The following NRXN1 variants were observed in gnomAD, a reference collection of about 807,000 sequenced individuals.
The protein encoded by NRXN1 is neurexin 1, also known as neurexin-1.
Under a neutral mutation model 150.9 loss-of-function variants are expected in NRXN1, and 39 were observed. The observed-to-expected ratio is 0.26, with a 90% CI of 0.20 to 0.34. The LOEUF (loss-of-function observed/expected upper bound fraction) is 0.34, where lower values mean the gene tolerates loss of function less well. Ranked by LOEUF, NRXN1 falls within the 10% of genes least tolerant of loss-of-function variation. The pLI is 1.00. For missense variants in NRXN1, 1,815 were observed against 1,949.9 expected, an observed-to-expected ratio of 0.93 and a Z score of 1.30; for synonymous variants, 924 against 757.0, an observed-to-expected ratio of 1.22 and a Z score of -3.62.
chr2:50,611,089 T>A (rs1431249464), intron 8 of NRXN1, among the ~76,000 whole-genome samples: 2 of 150,874 alleles, frequency 1.3e-5, no homozygotes, highest in Non-Finnish European at 2.9e-5. Context: ...AATGCACACA[T>A]GCAAGTGTTA....
At chr2:50,056,068 G>A (rs769610638) in intron 19 of NRXN1, among the ~76,000 whole-genome samples, 1 of 152,188 alleles carries the variant, frequency 6.6e-6, no homozygotes, top group African/African-American at 2.4e-5. Context: ...TGCAAGAAGA[G>A]ATTTTCTATT....
At chr2:50,693,462 C>A in intron 5 of NRXN1, among the ~76,000 whole-genome samples, 1 of 151,980 alleles carries the variant, frequency 6.6e-6, no homozygotes, top group East Asian at 1.9e-4. Flanking sequence ...GTCCACTATA[C>A]CTAGGGACTT....
At chr2:50,680,823 T>C (rs1232012777) in intron 5 of NRXN1, among the ~76,000 whole-genome samples, 1 of 151,944 alleles carries the variant, frequency 6.6e-6, no homozygotes, top group Non-Finnish European at 1.5e-5. Flanking sequence ...TTCAAGGTTA[T>C]GCTATTCAAT....
chr2:50,832,698 T>G (rs17569702), intron 5 of NRXN1, among the ~76,000 whole-genome samples: 1 of 151,924 alleles, frequency 6.6e-6, no homozygotes, highest in Non-Finnish European at 1.5e-5. Context: ...ACATAACGAA[T>G]AGCCAAAGTT....
intron 18 of NRXN1, among the ~76,000 whole-genome samples, chr2:50,230,172 C>T (rs1472570083): frequency 6.6e-6 from 1 of 152,032 alleles, no homozygotes; most frequent in South Asian, 2.1e-4. Context: ...AGGACCAACC[C>T]TGAAAACACT....
chr2:50,353,117 G>A (rs1028110857), intron 17 of NRXN1, among the ~76,000 whole-genome samples: 3 of 152,022 alleles, frequency 2.0e-5, no homozygotes, highest in Non-Finnish European at 4.4e-5. Context: ...TTGGAAACGT[G>A]ACTAGATTTA....
At chr2:50,883,583 T>A (rs2103724689) in intron 5 of NRXN1, among the ~76,000 whole-genome samples, 1 of 151,928 alleles carries the variant, frequency 6.6e-6, no homozygotes, top group African/African-American at 2.4e-5. Flanking sequence ...GTGTAGAAAT[T>A]GTTAATTCAA....
At chr2:50,281,148 C>A (rs906444002) in intron 17 of NRXN1, among the ~76,000 whole-genome samples, 763 of 106,538 alleles carry the variant, frequency 7.2e-3, no homozygotes, top group Non-Finnish European at 9.1e-3. Flanking sequence ...ACTAAAAATA[C>A]AAAAAAAAAA....
At chr2:49,986,317 T>C (rs1014302212) in intron 21 of NRXN1, among the ~76,000 whole-genome samples, 1 of 152,200 alleles carries the variant, frequency 6.6e-6, no homozygotes, top group Non-Finnish European at 1.5e-5. Flanking sequence ...TTTACTCTAT[T>C]AGAAATTAAA....
chr2:50,122,438 G>A (rs1172815353), intron 18 of NRXN1, among the ~76,000 whole-genome samples: 1 of 152,222 alleles, frequency 6.6e-6, no homozygotes, highest in Non-Finnish European at 1.5e-5. Context: ...CTGGCCAGAA[G>A]CCCTCTTTCC....
At chr2:50,223,527 C>T (rs183809480) in intron 18 of NRXN1, among the ~76,000 whole-genome samples, 9 of 152,020 alleles carry the variant, frequency 5.9e-5, no homozygotes, top group East Asian at 1.9e-4. Context: ...GGAGCCTAGA[C>T]GAGTAGCTGT....
chr2:49,964,478 G>T (rs1315508468), intron 21 of NRXN1, among the ~76,000 whole-genome samples: 1 of 151,988 alleles, frequency 6.6e-6, no homozygotes, highest in Non-Finnish European at 1.5e-5. Flanking sequence ...TACTCGGGAG[G>T]CTGAGGCGGG....
intron 5 of NRXN1, among the ~76,000 whole-genome samples, chr2:50,646,771 C>G (rs1573951045): frequency 7.2e-6 from 1 of 138,460 alleles, no homozygotes; most frequent in East Asian, 2.2e-4. Context: ...CTAGAATCAG[C>G]TGAAGTTCCA....
chr2:50,747,347 A>G (rs1472351993), intron 5 of NRXN1, among the ~76,000 whole-genome samples: 2 of 152,080 alleles, frequency 1.3e-5, no homozygotes, highest in Admixed American at 6.6e-5. Context: ...AGAAAGGAGG[A>G]AGAGATTATT....
At chr2:50,193,423 T>C (rs985015928) in intron 18 of NRXN1, among the ~76,000 whole-genome samples, 2 of 152,322 alleles carry the variant, frequency 1.3e-5, no homozygotes, top group African/African-American at 2.4e-5. Context: ...TGTTATCATT[T>C]AGGCATTTAT....
chr2:50,323,029 CTATT>C (rs1379424459), intron 17 of NRXN1, among the ~76,000 whole-genome samples: 2 of 152,104 alleles, frequency 1.3e-5, no homozygotes, highest in African/African-American at 2.4e-5. Context: ...GCATAAAAAA[CTATT>C]TAACAACGTT....
chr2:50,395,084 T>C (rs959839936), intron 17 of NRXN1, among the ~76,000 whole-genome samples: 1 of 152,098 alleles, frequency 6.6e-6, no homozygotes, highest in South Asian at 2.1e-4. Flanking sequence ...CTTTTCTTCA[T>C]AGGTATTATA....
intron 21 of NRXN1, among the ~76,000 whole-genome samples, chr2:50,003,848 A>G (rs969012282): frequency 2.0e-5 from 3 of 152,178 alleles, no homozygotes; most frequent in African/African-American, 7.2e-5. Flanking sequence ...ATAAGAGTAC[A>G]TACTTTCATG....
intron 5 of NRXN1, among the ~76,000 whole-genome samples, chr2:50,755,695 A>T (rs1701084740): frequency 6.6e-6 from 1 of 151,872 alleles, no homozygotes; most frequent in Non-Finnish European, 1.5e-5. Flanking sequence ...GGAAATCCCA[A>T]TCAGACATAC....
Sources: gnomAD v4.1 joint callset for allele counts (sites outside exome capture counted in the v4.1 genomes callset) on GRCh38, gnomAD v4.1.1 for gene constraint, MANE v1.5 for transcripts, NCBI Gene and HGNC (gene_info 2026-07-23, HGNC 2026-07-21) for gene names.